Variants in SSH1 observed in about 807,000 individuals in gnomAD.
The protein encoded by SSH1 is slingshot protein phosphatase 1, also known as protein phosphatase Slingshot homolog 1.
Under a neutral mutation model 79.7 loss-of-function variants are expected in SSH1, and 43 were observed. The ratio of observed to expected loss-of-function variants is 0.54; its 90% CI spans 0.42 to 0.70. SSH1 has a LOEUF of 0.70. Among genes scored for constraint, SSH1 ranks in the 30% least tolerant of loss-of-function variants. The pLI is 0.00. For synonymous variants in SSH1, 599 were observed against 538.3 expected (o/e 1.11, Z -1.56); for missense variants, 1,206 against 1,358.8 (o/e 0.89, Z 1.77).
In SSH1 at chr12:108,788,429, G is replaced by A. The variant is rs772489398; in HGVS notation, c.2709C>T (p.Tyr903=). The A allele has an allele frequency of 3.2e-6, 5 of 1,586,992 alleles. No individual in the cohort carries two copies. In the African/African-American group the frequency reaches 4.1e-5, roughly 13 times the overall value. ...GSLKSPPPFF[Y]RLDHTSSFSK... The stretch of plus-strand genomic sequence containing the variant: ...AGAAACTACTGGTGTGGTCCAGGCG[G>A]TAGAAGAAAGGAGGGGGGCTCTTCA... Residue 903 remains tyrosine (Y), a synonymous_variant, in exon 15 of 15, where the codon TAC becomes TAT. Transcript: ENST00000326495.
intron 2 of SSH1, among the ~76,000 whole-genome samples, chr12:108,834,571 G>C (rs1303891158): frequency 6.6e-6 from 1 of 152,222 alleles, no homozygotes; most frequent in African/African-American, 2.4e-5. Context: ...GGTTCTGCGG[G>C]TGCTTAAGCA....
chr12:108,841,639 C>G (rs1015152470), intron 2 of SSH1, among the ~76,000 whole-genome samples: 1 of 151,950 alleles, frequency 6.6e-6, no homozygotes, highest in African/African-American at 2.4e-5. Context: ...GAAACCCCGT[C>G]TCTACTAAAA....
At chr12:108,798,736 G>A (rs1473356110) in intron 13 of SSH1, among the ~76,000 whole-genome samples, 3 of 152,226 alleles carry the variant, frequency 2.0e-5, no homozygotes, top group African/African-American at 7.2e-5. Flanking sequence ...TTAGAACCTA[G>A]GCACCGTTCC....
intron 2 of SSH1, among the ~76,000 whole-genome samples, chr12:108,841,149 C>T (rs1279121393): frequency 5.9e-5 from 9 of 152,216 alleles, no homozygotes; most frequent in Admixed American, 3.9e-4. Context: ...CAGCAGATGA[C>T]GCCTCTCAAG....
intron 12 of SSH1, among the ~76,000 whole-genome samples, chr12:108,799,604 A>C (rs1289086054): frequency 6.6e-6 from 1 of 152,144 alleles, no homozygotes; most frequent in Admixed American, 6.5e-5. Context: ...TGCAAGAGCT[A>C]CTCAGCTGCT....
rs1438313866 is a variant in SSH1 at position 108,788,792 on chromosome 12, A to C, written c.2346T>G (p.Asp782Glu). 1 of 1,614,118 alleles carries C rather than the reference A, an allele frequency of 6.2e-7. No homozygotes were observed. The highest frequency in any genetic ancestry group is 2.2e-5 in the East Asian group (1 of 44,896). The change falls in exon 15 of 15, where the codon GAT becomes GAG. Residue 782 changes from aspartate (D) to glutamate (E), a missense_variant. Asp to Glu is a conservative substitution (Grantham distance 45). Transcript: ENST00000326495. ...VIKEESSPKK[D>E]MKPAKDLRLL... ...GCCTCAGGTCCTTGGCTGGCTTCAT[A>C]TCTTTCTTGGGTGACGATTCTTCCT...
chr12:108,796,994 G>C (rs1202005930), intron 13 of SSH1, among the ~76,000 whole-genome samples: 1 of 151,972 alleles, frequency 6.6e-6, no homozygotes. Flanking sequence ...CACCTGCCTG[G>C]GTCTCCCAAA....
intron 3 of SSH1, among the ~76,000 whole-genome samples, chr12:108,819,081 T>C (rs2038014746): frequency 6.6e-6 from 1 of 151,578 alleles, no homozygotes; most frequent in Admixed American, 6.6e-5. Context: ...CATTTTCCAC[T>C]GGAGGCAGAC....
chr12:108,815,127 C>T (rs1188706454), intron 5 of SSH1, among the ~76,000 whole-genome samples: 1 of 152,186 alleles, frequency 6.6e-6, no homozygotes, highest in Admixed American at 6.5e-5. Context: ...CTGCAGCCTG[C>T]TGGGAAAGAA....
Position 108,823,365 on chromosome 12 carries a change from G to C in SSH1, c.111-4C>G. ...CATGAAAAAGCTCTCACTTAAGCTG[G>C]GAAGGATAAGACCAGAGCACAGTTA... On this transcript the variant is annotated splice_polypyrimidine_tract_variant and splice_region_variant and intron_variant, in intron 2 of 14. Coordinates refer to ENST00000326495, the MANE Select transcript of SSH1 (RefSeq NM_018984.4). The C allele has an allele frequency of 6.4e-7, 1 of 1,561,932 alleles. No individual in the cohort carries two copies. Among genetic ancestry groups the C allele is most frequent in the Non-Finnish European group, 8.7e-7 (1 of 1,151,302 alleles).
intron 2 of SSH1, among the ~76,000 whole-genome samples, chr12:108,829,672 A>C (rs1022037814): frequency 6.6e-6 from 1 of 152,196 alleles, no homozygotes; most frequent in Non-Finnish European, 1.5e-5. Flanking sequence ...GAATATCCAA[A>C]CACCCCTGAA....
At chr12:108,820,012 G>GGT (rs2038056243) in intron 3 of SSH1, among the ~76,000 whole-genome samples, 4 of 152,118 alleles carry the variant, frequency 2.6e-5, no homozygotes. Flanking sequence ...CTCTAGCCAG[G>GGT]AGGGTAGATC....
chr12:108,805,008 C>T (rs772355830), intron 10 of SSH1, 48 bp downstream of exon 10: 1 of 1,606,738 alleles, frequency 6.2e-7, no homozygotes, highest in African/African-American at 1.3e-5. Flanking sequence ...CAACCAGGGT[C>T]TGATTTATGT....
chr12:108,806,141 T>C (rs753535386), intron 9 of SSH1, among the ~76,000 whole-genome samples, 160 bp downstream of exon 9: 2 of 152,088 alleles, frequency 1.3e-5, no homozygotes, highest in Non-Finnish European at 2.9e-5. Context: ...CGAGGCCTGA[T>C]ACAATTGTAG....
intron 2 of SSH1, among the ~76,000 whole-genome samples, chr12:108,827,054 A>G (rs1036997725): frequency 2.6e-5 from 4 of 151,886 alleles, no homozygotes; most frequent in African/African-American, 9.7e-5. Context: ...GAATGTTTTT[A>G]TCTCCACCAC....
chr12:108,807,472 C>T lies in SSH1; in HGVS notation c.731+161G>A, dbSNP rs1565985922. ...TGGGACAGGGGCCTGTGTCACAGAC[C>T]CCTGCTTTAAACGCTGGTTCTGAGA... is the stretch of plus-strand genomic sequence containing the variant. On this transcript the variant is annotated intron_variant, in intron 8 of 14. Transcript: ENST00000326495. This position sits in a 1 kb window ranked among gnomAD's most constrained non-coding sequence, Gnocchi z 5.2. 4 of 634,316 alleles carry T rather than the reference C, an allele frequency of 6.3e-6. No individual in the cohort carries two copies. Among genetic ancestry groups the T allele is most frequent in the Non-Finnish European group, 1.1e-5 (4 of 360,848 alleles). The allele number at this position is 634,316 out of a possible 1,614,324, so 39.3% of individuals were successfully genotyped here.
intron 5 of SSH1, among the ~76,000 whole-genome samples, chr12:108,813,261 G>A (rs1041057795): frequency 1.3e-5 from 2 of 152,226 alleles, no homozygotes; most frequent in Admixed American, 6.5e-5. Context: ...CCTAGGGCCT[G>A]TATGGCGGGA....
chr12:108,819,906 G>A (rs1051769744), intron 3 of SSH1, among the ~76,000 whole-genome samples: 1 of 152,132 alleles, frequency 6.6e-6, no homozygotes, highest in Non-Finnish European at 1.5e-5. Context: ...TGTTCCTTTT[G>A]CAAAAGCATC....
chr12:108,845,669 G>T (rs528118947), intron 2 of SSH1, among the ~76,000 whole-genome samples: 1 of 152,128 alleles, frequency 6.6e-6, no homozygotes, highest in Non-Finnish European at 1.5e-5. Context: ...CCTGAGCAAC[G>T]TGAGCGAAAC....
Sources: gnomAD v4.1 joint callset for allele counts (sites outside exome capture counted in the v4.1 genomes callset) on GRCh38, gnomAD v4.1.1 for gene constraint, Gnocchi (gnomAD v3.1) non-coding constraint, MANE v1.5 for transcripts, NCBI Gene and HGNC (gene_info 2026-07-23, HGNC 2026-07-21) for gene names.